Variants in TMEM178B observed in about 807,000 individuals in gnomAD.
TMEM178B encodes the protein transmembrane protein 178B.
A neutral mutation model predicts 31.0 loss-of-function variants in TMEM178B; 5 were observed. The ratio of observed to expected loss-of-function variants is 0.16; its 90% confidence interval spans 0.08 to 0.34. The LOEUF is 0.34. Ranked by LOEUF, TMEM178B falls within the 10% of genes least tolerant of loss-of-function variation. The pLI is 1.00. For missense variants in TMEM178B, 275 were observed against 400.3 expected (o/e 0.69, Z 2.67); for synonymous variants, 164 against 164.0 (o/e 1.00, Z 0.00).
chr7:141,094,925 G>C (rs145182403), intron 1 of TMEM178B, among the ~76,000 whole-genome samples: 2 of 152,110 alleles, frequency 1.3e-5, no homozygotes, highest in Non-Finnish European at 2.9e-5. Context: ...CAATTTCTTT[G>C]TTATTATACT....
chr7:141,138,532 G>A (rs1795713389), intron 1 of TMEM178B, among the ~76,000 whole-genome samples: 1 of 152,076 alleles, frequency 6.6e-6, no homozygotes, highest in African/African-American at 2.4e-5. Context: ...GGGTGGAGGT[G>A]TGTGTGGGTA....
intron 1 of TMEM178B, among the ~76,000 whole-genome samples, chr7:141,093,398 T>A (rs573167693): frequency 6.6e-6 from 1 of 152,332 alleles, no homozygotes; most frequent in African/African-American, 2.4e-5. Flanking sequence ...GGATCTTGTT[T>A]TGAAGATCTA....
intron 1 of TMEM178B, among the ~76,000 whole-genome samples, chr7:141,097,487 A>C (rs1794982209): frequency 6.6e-6 from 1 of 152,120 alleles, no homozygotes; most frequent in African/African-American, 2.4e-5. Flanking sequence ...GAATAAATTC[A>C]GTACTTTTTT....
chr7:141,296,267 C>T (rs1289555812), intron 2 of TMEM178B, among the ~76,000 whole-genome samples: 1 of 152,088 alleles, frequency 6.6e-6, no homozygotes, highest in South Asian at 2.1e-4. Context: ...GGGGTTTCAC[C>T]ATGTTGGCCA....
chr7:141,490,758 G>C, the TMEM178B span, among the ~76,000 whole-genome samples: 2 of 152,172 alleles, frequency 1.3e-5, no homozygotes, highest in Non-Finnish European at 2.9e-5. Context: ...ATCAGCATAA[G>C]GTTGCTCCCT....
intron 2 of TMEM178B, among the ~76,000 whole-genome samples, chr7:141,272,035 C>T (rs1472411536): frequency 6.6e-6 from 1 of 152,170 alleles, no homozygotes; most frequent in Non-Finnish European, 1.5e-5. Context: ...AGTTCAAGTC[C>T]TACCCCCTCT....
intron 2 of TMEM178B, among the ~76,000 whole-genome samples, chr7:141,311,406 A>C (rs1221472891): frequency 6.6e-6 from 1 of 152,198 alleles, no homozygotes; most frequent in African/African-American, 2.4e-5. Flanking sequence ...ATCTATTTAC[A>C]TGAGTGCTTT....
At chr7:141,237,755 G>A (rs551607472) in intron 2 of TMEM178B, among the ~76,000 whole-genome samples, 27 of 152,282 alleles carry the variant, frequency 1.8e-4, no homozygotes, top group African/African-American at 6.0e-4. Flanking sequence ...TGGGCGTGGT[G>A]TCTCACACCT....
intron 2 of TMEM178B, among the ~76,000 whole-genome samples, chr7:141,277,538 A>G (rs1049383568): frequency 2.0e-5 from 3 of 152,106 alleles, no homozygotes; most frequent in Non-Finnish European, 2.9e-5. Context: ...TTTACAGTTA[A>G]CTTTGTTTTC....
chr7:141,412,017 G>A (rs1335828384), intron 2 of TMEM178B, among the ~76,000 whole-genome samples: 2 of 152,186 alleles, frequency 1.3e-5, no homozygotes, highest in African/African-American at 4.8e-5. Context: ...GTGACTCAGT[G>A]TTGTTTGGGT....
intron 2 of TMEM178B, among the ~76,000 whole-genome samples, chr7:141,223,616 G>A (rs1586834807): frequency 6.6e-6 from 1 of 151,860 alleles, no homozygotes; most frequent in East Asian, 1.9e-4. Context: ...CCTTCCACGT[G>A]CTGAGCTAGA....
intron 3 of TMEM178B, among the ~76,000 whole-genome samples, chr7:141,440,528 T>A (rs1801638461): frequency 1.3e-5 from 2 of 152,052 alleles, no homozygotes; most frequent in Admixed American, 6.5e-5. Flanking sequence ...TTTTTTTTTT[T>A]AACTCCAACT....
intron 2 of TMEM178B, among the ~76,000 whole-genome samples, chr7:141,418,110 T>C (rs1403661923): frequency 1.3e-5 from 2 of 152,238 alleles, no homozygotes; most frequent in African/African-American, 4.8e-5. Context: ...AGGTTCATCC[T>C]CTCTGCTAAG....
At chr7:141,384,512 G>A (rs1416090981) in intron 2 of TMEM178B, among the ~76,000 whole-genome samples, 1 of 152,206 alleles carries the variant, frequency 6.6e-6, no homozygotes, top group Admixed American at 6.5e-5. Context: ...GTTTGTCAAA[G>A]ATCAGATGGT....
At chr7:141,199,375 T>C (rs1796838720) in intron 1 of TMEM178B, among the ~76,000 whole-genome samples, 1 of 151,480 alleles carries the variant, frequency 6.6e-6, no homozygotes, top group Non-Finnish European at 1.5e-5. Flanking sequence ...AGAAAAAGAG[T>C]CTCTTGATAA....
chr7:141,199,314 T>C (rs1241340377), intron 1 of TMEM178B, among the ~76,000 whole-genome samples: 5 of 152,210 alleles, frequency 3.3e-5, no homozygotes, highest in African/African-American at 1.2e-4. Flanking sequence ...GCAAAAGTAA[T>C]TGCGGTTTCT....
the TMEM178B span, among the ~76,000 whole-genome samples, chr7:141,491,377 A>G: frequency 3.7e-3 from 567 of 152,256 alleles, 1 homozygote; most frequent in Non-Finnish European, 6.0e-3. Context: ...CCTTGCCACC[A>G]TGTAGTTTAT....
At chr7:141,169,276 A>G (rs1362128344) in intron 1 of TMEM178B, among the ~76,000 whole-genome samples, 1 of 152,220 alleles carries the variant, frequency 6.6e-6, no homozygotes, top group African/African-American at 2.4e-5. Context: ...GCTCCTGCTT[A>G]TAAGTGAGAA....
intron 2 of TMEM178B, among the ~76,000 whole-genome samples, chr7:141,255,867 T>G (rs1797918755): frequency 6.6e-6 from 1 of 152,186 alleles, no homozygotes; most frequent in South Asian, 2.1e-4. Context: ...TTGGGGCTTC[T>G]AACTAAAGCA....
Sources: gnomAD v4.1 joint callset for allele counts (sites outside exome capture counted in the v4.1 genomes callset) on GRCh38, gnomAD v4.1.1 for gene constraint, MANE v1.5 for transcripts, NCBI Gene and HGNC (gene_info 2026-07-23, HGNC 2026-07-21) for gene names.